Variants in ZNF571 observed in about 807,000 individuals in gnomAD.
ZNF571 encodes the protein zinc finger protein 571.
Under a neutral mutation model 7.7 loss-of-function variants are expected in ZNF571, and 4 were observed. The ratio of observed to expected loss-of-function variants is 0.52; its 90% CI spans 0.25 to 1.18. ZNF571 has a LOEUF of 1.18. Ranked by LOEUF, ZNF571 falls within the 50% of genes most tolerant of loss-of-function variation. ZNF571 has a pLI of 0.14. For synonymous variants in ZNF571, 251 were observed against 232.4 expected (o/e 1.08, Z -0.73); for missense variants, 704 against 726.9 (o/e 0.97, Z 0.36).
chr19:37,580,668 C>T (rs1241837508), intron 3 of ZNF571, among the ~76,000 whole-genome samples: 2 of 152,098 alleles, frequency 1.3e-5, no homozygotes, highest in Non-Finnish European at 2.9e-5. Context: ...ACTGAGCTCT[C>T]GCTCTACTAG....
intron 3 of ZNF571, among the ~76,000 whole-genome samples, chr19:37,574,539 GAACTC>G (rs1355071150): frequency 6.6e-6 from 1 of 151,986 alleles, no homozygotes; most frequent in Non-Finnish European, 1.5e-5. Context: ...TATAACATTA[GAACTC>G]AACTAATAAC....
chr19:37,577,323 A>C (rs1007831502), intron 3 of ZNF571, among the ~76,000 whole-genome samples: 1 of 152,200 alleles, frequency 6.6e-6, no homozygotes, highest in Non-Finnish European at 1.5e-5. Flanking sequence ...TATTAAAACC[A>C]GCCTACATCT....
chr19:37,589,081 T>C (rs2043782769), intron 1 of ZNF571, among the ~76,000 whole-genome samples: 1 of 151,166 alleles, frequency 6.6e-6, no homozygotes. Context: ...GTGCTTGTGA[T>C]CCCAGCTACT....
At chr19:37,566,321 CT>C in intron 3 of ZNF571, 30 bp from the exon 4 acceptor site, 1 of 1,559,502 alleles carries the variant, frequency 6.4e-7, no homozygotes, top group African/African-American at 1.4e-5. Context: ...CAAATTCCTG[CT>C]TTTGTTTACA....
At chr19:37,581,631 A>G (rs2043468891) in intron 3 of ZNF571, among the ~76,000 whole-genome samples, 1 of 151,814 alleles carries the variant, frequency 6.6e-6, no homozygotes, top group Admixed American at 6.6e-5. Flanking sequence ...TGCCCTGCTA[A>G]TTTTTATTTT....
In ZNF571 at chr19:37,564,655, A is replaced by G; in HGVS notation, c.1773T>C (p.Cys591=). 6.2e-7 allele frequency: 1 copy of G among 1,606,956 alleles called. No homozygotes were observed. The highest frequency in any genetic ancestry group is 8.5e-7 in the Non-Finnish European group (1 of 1,176,384). ...TGEKPYTCVQ[C]GKDFRCPSQL... ...GTGAAGGACATCTAAAGTCTTTACCACACTGGACACATGTATAGGGTTTCT... is the reference window on the plus strand; with the variant it reads ...GTGAAGGACATCTAAAGTCTTTACCGCACTGGACACATGTATAGGGTTTCT... Residue 591 remains cysteine (C), a synonymous_variant, in exon 4 of 4, where the codon TGT becomes TGC. Coordinates refer to ENST00000451802, the MANE Select transcript of ZNF571 (RefSeq NM_016536.5).
intron 1 of ZNF571, among the ~76,000 whole-genome samples, chr19:37,592,288 T>A (rs12459015): frequency 0.25 from 38,416 of 151,898 alleles, 5,484 homozygotes; most frequent in East Asian, 0.63. Flanking sequence ...CAATCATAAG[T>A]GGACGTTATA....
At chr19:37,573,412 G>C (rs1223841667) in intron 3 of ZNF571, among the ~76,000 whole-genome samples, 1 of 152,086 alleles carries the variant, frequency 6.6e-6, no homozygotes, top group African/African-American at 2.4e-5. Flanking sequence ...TGCCCAATTT[G>C]GTTTTCACCC....
chr19:37,582,646 G>A (rs17304703), intron 3 of ZNF571, among the ~76,000 whole-genome samples: 40,474 of 152,038 alleles, frequency 0.27, 6,441 homozygotes, highest in Non-Finnish European at 0.37. Context: ...GATATCTAAT[G>A]AGCATATCAA....
At chr19:37,577,187 C>T (rs760817921) in intron 3 of ZNF571, among the ~76,000 whole-genome samples, 7 of 152,030 alleles carry the variant, frequency 4.6e-5, no homozygotes, top group South Asian at 2.1e-4. Context: ...CCATGAAGTA[C>T]GCACACAACC....
At chr19:37,590,430 AG>A (rs1302761774) in intron 1 of ZNF571, among the ~76,000 whole-genome samples, 5 of 136,806 alleles carry the variant, frequency 3.7e-5, no homozygotes, top group Non-Finnish European at 5.2e-5. Flanking sequence ...AAAAAGAAGA[AG>A]AAAAAAAAAG....
At chr19:37,580,246 A>C (rs1338689491) in intron 3 of ZNF571, among the ~76,000 whole-genome samples, 2 of 152,226 alleles carry the variant, frequency 1.3e-5, no homozygotes, top group Non-Finnish European at 2.9e-5. Flanking sequence ...GAACTGTTCT[A>C]ACTCATCAGC....
At position 37,564,555 on chromosome 19, in the gene ZNF571, A is replaced by G. The variant is rs780198010; in HGVS notation, c.*43T>C. Reference sequence around the variant, plus strand: ...GTTCTACATTCATTATAGATATGAAATAGATGAAGATTTTCTTAAATTTAA... The same window carrying G: ...GTTCTACATTCATTATAGATATGAAGTAGATGAAGATTTTCTTAAATTTAA... On this transcript the variant is annotated 3_prime_UTR_variant, in exon 4 of 4. Transcript: ENST00000451802. 1 of 1,449,102 alleles carries G rather than the reference A, an allele frequency of 6.9e-7. No homozygotes were observed. The highest frequency in any genetic ancestry group is 9.1e-7 in the Non-Finnish European group (1 of 1,095,780). The allele number at this position is 1,449,102 out of a possible 1,614,324, so 89.8% of individuals were successfully genotyped here.
chr19:37,572,590 T>C (rs1389477019), intron 3 of ZNF571, among the ~76,000 whole-genome samples: 1 of 152,154 alleles, frequency 6.6e-6, no homozygotes, highest in African/African-American at 2.4e-5. Context: ...TGGGGGAGCC[T>C]TGGAATGTAT....
intron 2 of ZNF571, 114 bp from the exon 3 acceptor site, chr19:37,584,211 TG>T: frequency 6.6e-7 from 1 of 1,506,880 alleles, no homozygotes. Context: ...AACAGGAAAT[TG>T]GTTGCCTAAA....
rs2042781459 is a variant in ZNF571 at position 37,564,665 on chromosome 19, C to A, written c.1763G>T (p.Cys588Phe). 1 of 1,612,226 alleles carries A rather than the reference C, an allele frequency of 6.2e-7. No individual in the cohort carries two copies. The highest frequency in any genetic ancestry group is 1.3e-5 in the African/African-American group (1 of 74,984). Residue 588 changes from cysteine (C) to phenylalanine (F), a missense_variant, in exon 4 of 4, where the codon TGT becomes TTT. Cys to Phe is a radical substitution (Grantham distance 205). Transcript: ENST00000451802. ...RIHTGEKPYTCVQCGKDFRCP... is the reference protein window; with the variant it reads ...RIHTGEKPYTFVQCGKDFRCP... ...TCTAAAGTCTTTACCACACTGGACACATGTATAGGGTTTCTCACCAGTATG... is the reference window on the plus strand; with the variant it reads ...TCTAAAGTCTTTACCACACTGGACAAATGTATAGGGTTTCTCACCAGTATG...
chr19:37,581,015 A>G (rs937904544), intron 3 of ZNF571, among the ~76,000 whole-genome samples: 3 of 152,234 alleles, frequency 2.0e-5, no homozygotes, highest in African/African-American at 4.8e-5. Context: ...AAACATCCAC[A>G]TAATTTTTTT....
intron 3 of ZNF571, among the ~76,000 whole-genome samples, chr19:37,570,837 G>A (rs746776386): frequency 6.6e-6 from 1 of 151,958 alleles, no homozygotes; most frequent in Non-Finnish European, 1.5e-5. Flanking sequence ...GAAAAACAAC[G>A]AAAAAACCCA....
At chr19:37,567,850 C>G (rs937128474) in intron 3 of ZNF571, 1 of 152,174 alleles carries the variant, frequency 6.6e-6, no homozygotes, top group Non-Finnish European at 1.5e-5. Context: ...TCCTCAAGCT[C>G]TACATGTGTA....
Sources: allele counts gnomAD v4.1 joint callset (sites outside exome capture counted in the v4.1 genomes callset), GRCh38; gene constraint gnomAD v4.1.1; transcripts MANE v1.5; gene names NCBI Gene and HGNC (gene_info 2026-07-23, HGNC 2026-07-21).